The following SART3 variants were observed in gnomAD, a reference collection of about 807,000 sequenced individuals.
The protein encoded by SART3 is HIV-1 Tat-interacting protein of 110kDa.
A neutral mutation model predicts 122.3 loss-of-function variants in SART3; 44 were observed. That is an observed-to-expected ratio of 0.36 (90% CI 0.28 to 0.46). The LOEUF (loss-of-function observed/expected upper bound fraction) is 0.46, where lower values mean the gene tolerates loss of function less well. Among genes scored for constraint, SART3 ranks in the 20% least tolerant of loss-of-function variants. The probability of loss-of-function intolerance (pLI) is 1.00; values close to 1 mark genes in which losing one functional copy is unlikely to be tolerated. For missense variants in SART3, 1,101 were observed against 1,229.0 expected (o/e 0.90, Z 1.56); for synonymous variants, 442 against 454.0 (o/e 0.97, Z 0.34).
Position 108,538,297 on chromosome 12 carries a change from T to C in SART3, c.1063-94A>G, listed in dbSNP as rs1397188840. 2.8e-6 allele frequency: 4 copies of C among 1,421,246 alleles called. No homozygotes were observed. The East Asian group carries it at 9.1e-5, about 32-fold the overall frequency. The allele number at this position is 1,421,246 out of a possible 1,614,324, so 88.0% of individuals were successfully genotyped here. A position where few individuals can be genotyped will look rare whatever the true frequency, so the allele number is the denominator to read the frequency against. On this transcript the variant is annotated intron_variant, in intron 7 of 18. Coordinates refer to ENST00000546815, the MANE Select transcript of SART3 (RefSeq NM_014706.4). Reference sequence around the variant, plus strand: ...CAGCACGACCAAGTGATGAAAGAAATGTCCTTATAAACATCTCTTGTGACC... The same window carrying C: ...CAGCACGACCAAGTGATGAAAGAAACGTCCTTATAAACATCTCTTGTGACC...
chr12:108,545,031 A>G (rs1592768843), intron 4 of SART3, 108 bp downstream of exon 4: 1 of 1,149,968 alleles, frequency 8.7e-7, no homozygotes, highest in Non-Finnish European at 1.3e-6. Context: ...CATTTTGTTA[A>G]CTATATGAAC....
intron 15 of SART3, among the ~76,000 whole-genome samples, chr12:108,529,265 A>C (rs576550963): frequency 6.6e-6 from 1 of 152,230 alleles, no homozygotes; most frequent in Admixed American, 6.5e-5. Context: ...ACACAAGTAA[A>C]TATGGTCATA....
At chr12:108,535,281 T>C in intron 12 of SART3, 78 bp downstream of exon 12, 1 of 1,118,820 alleles carries the variant, frequency 8.9e-7, no homozygotes, top group Non-Finnish European at 1.4e-6. Flanking sequence ...TAGTCCAAGC[T>C]GGTAGGAGTC....
chr12:108,559,045 A>AAAG (rs1404403215), intron 1 of SART3, among the ~76,000 whole-genome samples: 1 of 145,718 alleles, frequency 6.9e-6, no homozygotes, highest in Non-Finnish European at 1.5e-5. Flanking sequence ...AAAAGAAAAA[A>AAAG]AAAAAAAAAA....
intron 16 of SART3, chr12:108,525,893 C>CATTACTA: frequency 1.6e-6 from 1 of 623,108 alleles, no homozygotes; most frequent in East Asian, 2.7e-5. Flanking sequence ...AGTCCCTTGT[C>CATTACTA]ATTGCTAAGC....
rs1162462849 is a variant in SART3, at chr12:108,535,220, C to A, written c.1556+139G>T. ...TCTAGCCCTGCCCATTAAAAATGTA[C>A]CCACTACTGAAAGAGACAGAATGAA... On this transcript the variant is annotated intron_variant, in intron 12 of 18. Coordinates refer to ENST00000546815, the MANE Select transcript of SART3 (RefSeq NM_014706.4). 4 of 735,956 alleles carry A rather than the reference C, an allele frequency of 5.4e-6. No homozygotes were observed. The East Asian group carries it at 1.0e-4, about 19-fold the overall frequency. 45.6% of individuals were successfully genotyped at this position (735,956 alleles called of 1,614,324 possible). A position where few individuals can be genotyped will look rare whatever the true frequency, so the allele number is the denominator to read the frequency against.
At chr12:108,537,310 A>G (rs1872954596) in intron 9 of SART3, 178 bp downstream of exon 9, 2 of 617,176 alleles carry the variant, frequency 3.2e-6, no homozygotes, top group Non-Finnish European at 5.9e-6. Flanking sequence ...CTTGCTTTAC[A>G]ATCCACATCA....
At chr12:108,550,916 A>G (rs1425189748) in intron 1 of SART3, among the ~76,000 whole-genome samples, 1 of 152,226 alleles carries the variant, frequency 6.6e-6, no homozygotes, top group East Asian at 1.9e-4. Context: ...AAAGGCAAGA[A>G]AGGAGAAACA....
At chr12:108,525,897 G>A (rs7312445) in intron 16 of SART3, 515,035 of 623,010 alleles carry the variant, frequency 0.83, 214,128 homozygotes, top group East Asian at 0.93. Context: ...CCTTGTCATT[G>A]CTAAGCACCC....
rs1470520387 is a variant in SART3, at chr12:108,560,971, C to T, written c.184G>A (p.Val62Met). The change falls in exon 1 of 19, where the codon GTG becomes ATG. Residue 62 changes from valine (V) to methionine (M), a missense_variant. This residue lies in a region of SART3 where 216 missense variants were observed against 148.9 expected (regional missense o/e 1.45). Coordinates refer to ENST00000546815, the MANE Select transcript of SART3 (RefSeq NM_014706.4). ...TACTCATCCCCATCGCTCTCGCTCACGCCTTCCTCCTGCTGATCCCACGCT... is the reference window on the plus strand; with the variant it reads ...TACTCATCCCCATCGCTCTCGCTCATGCCTTCCTCCTGCTGATCCCACGCT... ...GPAWDQQEEG[V>M]SESDGDEYAM... The T allele has an allele frequency of 6.2e-7, 1 of 1,614,122 alleles. No homozygotes were observed. Among genetic ancestry groups the T allele is most frequent in the South Asian group, 1.1e-5 (1 of 91,076 alleles).
At chr12:108,549,776 G>A (rs1383596617) in intron 1 of SART3, among the ~76,000 whole-genome samples, 1 of 152,120 alleles carries the variant, frequency 6.6e-6, no homozygotes, top group Non-Finnish European at 1.5e-5. Flanking sequence ...AGCACTTTGG[G>A]AGGCCGAGGC....
At chr12:108,537,373 T>C (rs1416688004) in intron 9 of SART3, 115 bp downstream of exon 9, 1 of 768,236 alleles carries the variant, frequency 1.3e-6, no homozygotes, top group Non-Finnish European at 2.3e-6. Flanking sequence ...AAGTCACCAA[T>C]ACCTAGTCTA....
chr12:108,532,130 A>C (rs1872706372), intron 13 of SART3, 92 bp downstream of exon 13: 1 of 1,094,662 alleles, frequency 9.1e-7, no homozygotes, highest in Non-Finnish European at 1.4e-6. Context: ...GCATAAACAC[A>C]GTCTGTCCCC....
At position 108,538,999 on chromosome 12, in the gene SART3, A is replaced by C; in HGVS notation, c.997T>G (p.Phe333Val). Residue 333 changes from phenylalanine to valine, a missense_variant, in exon 7 of 19, where the codon TTT (phenylalanine) becomes GTT (valine). Physicochemically the swap from Phe to Val is conservative, Grantham distance 50. This residue lies in a region of SART3 where 885 missense variants were observed against 1,080.1 expected (regional missense o/e 0.82). Transcript: ENST00000546815. ...CAGTTCTCGACCAGGGCGCGCTCAA[A>C]GATCAACTGAATGCGAGCAGGATCG... ...IGDPARIQLIFERALVENCLV... is the reference protein window; with the variant it reads ...IGDPARIQLIVERALVENCLV... 1 of 1,614,246 alleles carries C rather than the reference A, an allele frequency of 6.2e-7. No homozygotes were observed. Among genetic ancestry groups the C allele is most frequent in the Non-Finnish European group, 8.5e-7 (1 of 1,180,038 alleles).
In SART3 at chr12:108,560,981, C is replaced by T; in HGVS notation, c.174G>A (p.Gln58=). 1.9e-6 allele frequency: 3 copies of T among 1,614,164 alleles called. No individual in the cohort carries two copies. Among genetic ancestry groups the T allele is most frequent in the East Asian group, 4.5e-5 (2 of 44,878 alleles). ...YKTMGPAWDQ[Q]EEGVSESDGD... ...CATCGCTCTCGCTCACGCCTTCCTCCTGCTGATCCCACGCTGGCCCCATGG... is the reference window on the plus strand; with the variant it reads ...CATCGCTCTCGCTCACGCCTTCCTCTTGCTGATCCCACGCTGGCCCCATGG... Residue 58 remains glutamine, a synonymous_variant, in exon 1 of 19, where the codon CAG becomes CAA. Transcript: ENST00000546815.
intron 6 of SART3, among the ~76,000 whole-genome samples, chr12:108,541,519 T>C (rs1033861810): frequency 6.6e-6 from 1 of 151,778 alleles, no homozygotes; most frequent in Non-Finnish European, 1.5e-5. Flanking sequence ...AAAAGATACA[T>C]CAAAAGGGAA....
At chr12:108,541,631 C>T (rs546071266) in intron 6 of SART3, among the ~76,000 whole-genome samples, 3 of 152,022 alleles carry the variant, frequency 2.0e-5, no homozygotes, top group Non-Finnish European at 2.9e-5. Context: ...CTCCACCTCC[C>T]GGCTTCAAGC....
rs139962966 is a variant in SART3 at position 108,542,473 on chromosome 12, C to T, written c.906+555G>A. On this transcript the variant is annotated intron_variant, in intron 6 of 18. Transcript: ENST00000546815. ...AAGAATGTTCAGAGTGGCGCTGCTC[C>T]TTCTCCTAGCAAAAACCTGGAAATG... 3.9e-3 allele frequency among the ~76,000 whole-genome samples: 600 copies of T among 152,258 alleles called. 5 individuals carry two copies. Among genetic ancestry groups the T allele is most frequent in the African/African-American group, 0.014 (575 of 41,530 alleles).
intron 1 of SART3, among the ~76,000 whole-genome samples, chr12:108,554,394 A>G (rs1014075480): frequency 6.6e-6 from 1 of 152,154 alleles, no homozygotes; most frequent in African/African-American, 2.4e-5. Context: ...TATAAAGAGA[A>G]CAATACATAA....
Sources: gnomAD v4.1 joint callset for allele counts (sites outside exome capture counted in the v4.1 genomes callset) on GRCh38, gnomAD v4.1.1 for gene constraint, gnomAD v4.1.1 regional missense constraint, MANE v1.5 for transcripts, NCBI Gene and HGNC (gene_info 2026-07-23, HGNC 2026-07-21) for gene names.